FAM120A: variants seen among roughly 807,000 people sequenced by gnomAD.
FAM120A encodes the protein constitutive coactivator of PPAR-gamma-like protein 1.
In FAM120A, 15 loss-of-function variants were observed where a neutral mutation model predicts 109.7. That is an observed-to-expected ratio of 0.14 (90% CI 0.09 to 0.21). FAM120A has a LOEUF of 0.21. FAM120A is among the 10% of genes least tolerant of loss of function. The pLI is 1.00. For missense variants in FAM120A, 899 were observed against 1,439.3 expected, an observed-to-expected ratio of 0.62 and a Z score of 6.07; for synonymous variants, 493 against 572.8, an observed-to-expected ratio of 0.86 and a Z score of 1.99.
intron 11 of FAM120A, among the ~76,000 whole-genome samples, 182 bp downstream of exon 11, chr9:93,543,653 TTTTAA>T (rs1359593555): frequency 2.0e-5 from 3 of 152,252 alleles, no homozygotes; most frequent in Non-Finnish European, 4.4e-5. Flanking sequence ...GCAAAATATA[TTTTAA>T]TTTATATGAT....
chr9:93,565,349 G>C lies in FAM120A; in HGVS notation c.*809G>C, dbSNP rs1862599045. 1 of 152,584 alleles carries C rather than the reference G, an allele frequency of 6.6e-6. No individual in the cohort carries two copies. 9.5% of individuals were successfully genotyped at this position (152,584 alleles called of 1,614,324 possible). ...ACTACTTGAGCTAAACTTCTGCATG[G>C]TTCATAATTTTTAAAGTGTGTAGTT... On this transcript the variant is annotated 3_prime_UTR_variant, in exon 18 of 18. Coordinates refer to ENST00000277165, the MANE Select transcript of FAM120A (RefSeq NM_014612.5).
At chr9:93,550,782 T>G in intron 12 of FAM120A, 91 bp downstream of exon 12, 1 of 850,854 alleles carries the variant, frequency 1.2e-6, no homozygotes, top group Non-Finnish European at 1.9e-6. Flanking sequence ...GAATTGCTAA[T>G]TCTTTAAACT....
chr9:93,502,900 TA>T, intron 5 of FAM120A, among the ~76,000 whole-genome samples: 1 of 152,208 alleles, frequency 6.6e-6, no homozygotes, highest in Non-Finnish European at 1.5e-5. Context: ...TGGAATTTAC[TA>T]AAGTAACAAG....
In FAM120A at chr9:93,529,463, C is replaced by T; in HGVS notation, c.1617C>T (p.Asn539=). Residue 539 remains asparagine (N), a synonymous_variant, in exon 9 of 18, where the codon AAC becomes AAT. Transcript: ENST00000277165. ...GCCTCCTGTCGATGCCCACCAGGAA[C>T]CACATGGACATCACCACACCTCCCC... is the stretch of plus-strand genomic sequence containing the variant. ...IPCLLSMPTR[N]HMDITTPPLP... 6.2e-7 allele frequency: 1 copy of T among 1,614,226 alleles called. No homozygotes were observed. The highest frequency in any genetic ancestry group is 1.6e-4 in the Middle Eastern group (1 of 6,062).
At position 93,557,877 on chromosome 9, in the gene FAM120A, G is replaced by T; in HGVS notation, c.2535G>T (p.Gly845=). 6.2e-7 allele frequency: 1 copy of T among 1,613,654 alleles called. No homozygotes were observed. The highest frequency in any genetic ancestry group is 8.5e-7 in the Non-Finnish European group (1 of 1,180,036). The stretch of plus-strand genomic sequence containing the variant: ...AGATGCGCCAGAGCGTCCTCGAGGG[G>T]CTCAGCTTCTCCAGGCAGAGCCACA... ...VEKMRQSVLE[G]LSFSRQSHTL... is the part of the protein sequence containing the mutation. The change falls in exon 14 of 18, where the codon GGG becomes GGT. Residue 845 remains glycine (G), a synonymous_variant. Coordinates refer to ENST00000277165, the MANE Select transcript of FAM120A (RefSeq NM_014612.5).
chr9:93,534,912 A>G (rs1239870386), intron 10 of FAM120A, among the ~76,000 whole-genome samples: 1 of 152,170 alleles, frequency 6.6e-6, no homozygotes, highest in Non-Finnish European at 1.5e-5. Flanking sequence ...GCACTGAGGA[A>G]AAGGACAGAG....
intron 12 of FAM120A, among the ~76,000 whole-genome samples, chr9:93,551,442 T>C (rs1325076928): frequency 6.6e-6 from 1 of 152,232 alleles, no homozygotes; most frequent in Non-Finnish European, 1.5e-5. Flanking sequence ...GCTAGTTAAA[T>C]TAGTAGATCA....
Position 93,556,428 on chromosome 9 carries a change from T to C in FAM120A, c.2321T>C (p.Met774Thr), listed in dbSNP as rs373285393. The C allele has an allele frequency of 1.9e-5, 31 of 1,614,124 alleles. No individual in the cohort carries two copies. Among genetic ancestry groups the C allele is most frequent in the Non-Finnish European group, 8.5e-7 (1 of 1,180,046 alleles). The change falls in exon 13 of 18, where the codon ATG becomes ACG. Residue 774 changes from methionine to threonine, a missense_variant. Met to Thr is a moderately conservative substitution (Grantham distance 81, BLOSUM62 -1). Around this residue, in one of 11 missense-constraint regions of FAM120A, gnomAD observed 52 missense variants for 49.7 expected, o/e 1.05. Coordinates refer to ENST00000277165, the MANE Select transcript of FAM120A (RefSeq NM_014612.5). Reference sequence around the variant, plus strand: ...GGAATTCAGCTATCAGCTCTCTTCATGAGTGGAGTAGACATGGCCTTGTTT... The same window carrying C: ...GGAATTCAGCTATCAGCTCTCTTCACGAGTGGAGTAGACATGGCCTTGTTT... ...PRGIQLSALF[M>T]SGVDMALFAN...
rs1294686570 is a variant in FAM120A, at chr9:93,561,388, TTTAG to T, written c.2948+141_2948+144del. The T allele has an allele frequency of 4.9e-6, 4 of 817,886 alleles. No homozygotes were observed. In the East Asian group the frequency reaches 1.2e-4, roughly 25 times the overall value. The allele number at this position is 817,886 out of a possible 1,614,324, so 50.7% of individuals were successfully genotyped here. On this transcript the variant is annotated intron_variant, in intron 16 of 17. Coordinates refer to ENST00000277165, the MANE Select transcript of FAM120A (RefSeq NM_014612.5). ...CTTTAATATCATTTGTATTTAATTA[TTTAG>T]TTTTTATTTATTTATTTATCTTAAG...
intron 1 of FAM120A, among the ~76,000 whole-genome samples, chr9:93,462,312 G>A (rs113138333): frequency 0.029 from 4,338 of 152,120 alleles, 90 homozygotes; most frequent in East Asian, 0.071. Flanking sequence ...ATGGAGTCTC[G>A]CTCTGTCACC....
intron 15 of FAM120A, among the ~76,000 whole-genome samples, chr9:93,560,114 G>A (rs912723066): frequency 6.6e-6 from 1 of 152,058 alleles, no homozygotes; most frequent in Non-Finnish European, 1.5e-5. Context: ...GCAATATAGT[G>A]AGACCCCTGC....
At position 93,532,064 on chromosome 9, in the gene FAM120A, T is replaced by C; in HGVS notation, c.1735-91T>C. 2 of 1,194,310 alleles carry C rather than the reference T, an allele frequency of 1.7e-6. No homozygotes were observed. Among genetic ancestry groups the C allele is most frequent in the Non-Finnish European group, 2.4e-6 (2 of 832,542 alleles). The allele number at this position is 1,194,310 out of a possible 1,614,324, so 74.0% of individuals were successfully genotyped here. ...ATTTGGAATGGAATTGCAATGTCAT[T>C]AACTGGAGATAATACAGTATATTTC... is the stretch of plus-strand genomic sequence containing the variant. On this transcript the variant is annotated intron_variant, in intron 9 of 17. Transcript: ENST00000277165. The surrounding 1 kb of genome is among the most constrained non-coding windows in gnomAD (Gnocchi z 4.3).
chr9:93,482,251 G>A (rs965919555), intron 3 of FAM120A, among the ~76,000 whole-genome samples: 4 of 148,844 alleles, frequency 2.7e-5, no homozygotes, highest in African/African-American at 9.9e-5. Context: ...GCAGTGGTGC[G>A]ATCTCAGCTC....
intron 5 of FAM120A, among the ~76,000 whole-genome samples, chr9:93,505,340 G>A (rs1482123459): frequency 6.6e-6 from 1 of 152,044 alleles, no homozygotes; most frequent in Non-Finnish European, 1.5e-5. Flanking sequence ...GATTACAGGC[G>A]TGAGCCACTG....
At chr9:93,484,132 C>T (rs554314671) in intron 3 of FAM120A, among the ~76,000 whole-genome samples, 12 of 151,710 alleles carry the variant, frequency 7.9e-5, no homozygotes, top group African/African-American at 1.7e-4. Flanking sequence ...GCAGTACAGA[C>T]GCAAACTCCT....
chr9:93,499,028 G>A, intron 5 of FAM120A, 142 bp downstream of exon 5: 1 of 654,454 alleles, frequency 1.5e-6, no homozygotes, highest in Non-Finnish European at 2.7e-6. Context: ...CAAACTTCCT[G>A]GGCAGACTCA....
At chr9:93,546,064 A>T (rs1021767453) in intron 11 of FAM120A, among the ~76,000 whole-genome samples, 1 of 151,798 alleles carries the variant, frequency 6.6e-6, no homozygotes, top group Non-Finnish European at 1.5e-5. Flanking sequence ...GGGATTACAG[A>T]CATGAGCCAC....
intron 11 of FAM120A, among the ~76,000 whole-genome samples, chr9:93,547,023 A>G (rs1588903703): frequency 6.6e-6 from 1 of 152,314 alleles, no homozygotes; most frequent in South Asian, 2.1e-4. Context: ...ATGCTATACT[A>G]TGGCAGCAAT....
chr9:93,534,168 C>CG (rs1174213871), intron 10 of FAM120A, among the ~76,000 whole-genome samples: 5 of 152,158 alleles, frequency 3.3e-5, no homozygotes, highest in Non-Finnish European at 7.3e-5. Context: ...TGGGAGGTCT[C>CG]CGTCTGGGCC....
Sources: allele counts gnomAD v4.1 joint callset (sites outside exome capture counted in the v4.1 genomes callset), GRCh38; gene constraint gnomAD v4.1.1; regional missense constraint gnomAD v4.1.1; non-coding constraint Gnocchi (gnomAD v3.1); transcripts MANE v1.5; gene names NCBI Gene and HGNC (gene_info 2026-07-23, HGNC 2026-07-21).